Variants in EDA observed in about 807,000 individuals in gnomAD.
EDA encodes ectodysplasin A, also known as ectodysplasin-A.
EDA carries 2 observed loss-of-function variants against 23.6 expected under a neutral mutation model. That is an observed-to-expected ratio of 0.08 (90% CI 0.03 to 0.27). The LOEUF (loss-of-function observed/expected upper bound fraction) is 0.27. Ranked by LOEUF, EDA falls within the 10% of genes least tolerant of loss-of-function variation. EDA has a pLI of 1.00. For missense variants in EDA, 229 were observed against 324.2 expected, an observed-to-expected ratio of 0.71 and a Z score of 2.26; for synonymous variants, 131 against 132.0, an observed-to-expected ratio of 0.99 and a Z score of 0.05.
At chrX:69,941,827 T>C (rs2018762484) in intron 1 of EDA, among the ~76,000 whole-genome samples, 1 of 111,484 alleles carries the variant, frequency 9.0e-6, no homozygotes, top group Non-Finnish European at 1.9e-5. Context: ...ATTACTTGTT[T>C]TATATTTTTG....
Position 69,957,021 on chromosome X carries a change from T to C in EDA, c.397-6T>C. 8.3e-7 allele frequency: 1 copy of C among 1,207,582 alleles called. No individual in the cohort carries two copies. Among genetic ancestry groups the C allele is most frequent in the Non-Finnish European group, 1.1e-6 (1 of 891,902 alleles). On this transcript the variant is annotated splice_region_variant and splice_polypyrimidine_tract_variant and intron_variant, in intron 1 of 7. Coordinates refer to ENST00000374552, the MANE Select transcript of EDA (RefSeq NM_001399.5). Reference sequence around the variant, plus strand: ...CCTTTGACTAATGTACTTGTAATTTTTACAGATGGCCCTATTGAATTTCTT... The same window carrying C: ...CCTTTGACTAATGTACTTGTAATTTCTACAGATGGCCCTATTGAATTTCTT...
intron 1 of EDA, among the ~76,000 whole-genome samples, chrX:69,829,744 A>C (rs2016560301): frequency 8.9e-6 from 1 of 111,954 alleles, no homozygotes; most frequent in South Asian, 3.7e-4. Context: ...GAAGATGACC[A>C]CCTGCTTGCC....
Position 69,616,708 on chromosome X carries a change from A to G in EDA, c.396+4A>G, listed in dbSNP as rs1377867797. The G allele has an allele frequency of 1.7e-6, 2 of 1,211,367 alleles. No homozygotes were observed. The highest frequency in any genetic ancestry group is 3.5e-5 in the African/African-American group (2 of 57,762). ...TGACTCCCAGGACGGGCACCAGGTG[A>G]GTCACCTAGTAGGGGCGGCGGCGGC... On this transcript the variant is annotated splice_donor_region_variant and intron_variant, in intron 1 of 7. Coordinates refer to ENST00000374552, the MANE Select transcript of EDA (RefSeq NM_001399.5).
intron 1 of EDA, among the ~76,000 whole-genome samples, chrX:69,656,293 G>A (rs912359872): frequency 7.2e-5 from 8 of 111,232 alleles, no homozygotes; most frequent in Non-Finnish European, 1.5e-4. Flanking sequence ...ACTACTGCCA[G>A]CACTCTAAGT....
intron 1 of EDA, among the ~76,000 whole-genome samples, chrX:69,650,938 A>G (rs1332007708): frequency 9.0e-6 from 1 of 111,201 alleles, no homozygotes; most frequent in African/African-American, 3.3e-5. Context: ...GGGATGTTGG[A>G]GGAACTAGAA....
intron 1 of EDA, among the ~76,000 whole-genome samples, chrX:69,705,066 ATACAAAATT>A (rs2011657359): frequency 9.2e-6 from 1 of 108,898 alleles, no homozygotes; most frequent in African/African-American, 3.4e-5. Flanking sequence ...ACTAAAAAAA[ATACAAAATT>A]AGCTGGATGT....
chrX:70,003,045 C>T (rs1261796390), intron 2 of EDA, among the ~76,000 whole-genome samples: 1 of 112,254 alleles, frequency 8.9e-6, no homozygotes, highest in Non-Finnish European at 1.9e-5. Flanking sequence ...TGACAGATTT[C>T]TTCAACAATA....
chrX:69,754,627 A>T (rs909197184), intron 1 of EDA, among the ~76,000 whole-genome samples: 1 of 111,874 alleles, frequency 8.9e-6, no homozygotes, highest in Non-Finnish European at 1.9e-5. Context: ...AGGTTAGGGA[A>T]GTTCTCCTGG....
At chrX:69,877,437 A>G (rs1298598004) in intron 1 of EDA, among the ~76,000 whole-genome samples, 1 of 112,635 alleles carries the variant, frequency 8.9e-6, no homozygotes, top group African/African-American at 3.2e-5. Context: ...TTCCATTGAA[A>G]TTTAGATTTC....
intron 2 of EDA, among the ~76,000 whole-genome samples, chrX:69,981,043 G>T (rs1426851211): frequency 9.0e-6 from 1 of 111,519 alleles, no homozygotes; most frequent in Non-Finnish European, 1.9e-5. Context: ...GGGTTGTGGG[G>T]GCATCTGCTC....
At chrX:69,620,556 C>T in intron 1 of EDA, 1 of 141,102 alleles carries the variant, frequency 7.1e-6, no homozygotes, top group Non-Finnish European at 1.4e-5. Context: ...GAGGTGGGAT[C>T]TAGATAAAAT....
Position 70,037,460 on chromosome X carries a change from T to C in EDA, c.*1851T>C, listed in dbSNP as rs1429562673. 1.8e-5 allele frequency: 2 copies of C among 112,323 alleles called. No homozygotes were observed. The highest frequency in any genetic ancestry group is 3.8e-5 in the Non-Finnish European group (2 of 53,281). 9.3% of individuals were successfully genotyped at this position (112,323 alleles called of 1,213,427 possible). A position where few individuals can be genotyped will look rare whatever the true frequency, so the allele number is the denominator to read the frequency against. On this transcript the variant is annotated 3_prime_UTR_variant, in exon 8 of 8. Coordinates refer to ENST00000374552, the MANE Select transcript of EDA (RefSeq NM_001399.5). The stretch of plus-strand genomic sequence containing the variant: ...CCAACAAGAACCACTCCTTCATGTT[T>C]GGAAAATAATTTCTCTTGTATTATC...
At chrX:69,789,164 G>C (rs759605349) in intron 1 of EDA, among the ~76,000 whole-genome samples, 2 of 111,909 alleles carry the variant, frequency 1.8e-5, no homozygotes, top group African/African-American at 3.2e-5. Flanking sequence ...TGCATGGTGC[G>C]TGCACCCACT....
At chrX:69,703,167 G>A (rs2011584067) in intron 1 of EDA, among the ~76,000 whole-genome samples, 1 of 111,647 alleles carries the variant, frequency 9.0e-6, no homozygotes, top group African/African-American at 3.3e-5. Flanking sequence ...AAGACCAGAT[G>A]ATCAGCGAGT....
chrX:69,877,008 CA>C (rs2017656022), intron 1 of EDA, among the ~76,000 whole-genome samples: 2 of 111,974 alleles, frequency 1.8e-5, no homozygotes, highest in Non-Finnish European at 3.8e-5. Flanking sequence ...AAGAAAATGC[CA>C]AACTGTTTTG....
intron 1 of EDA, among the ~76,000 whole-genome samples, chrX:69,781,537 A>C (rs1219538506): frequency 8.9e-6 from 1 of 112,033 alleles, no homozygotes; most frequent in Non-Finnish European, 1.9e-5. Context: ...AAAAGGCCCA[A>C]AATATTTACT....
chrX:69,699,746 G>C (rs974347658), intron 1 of EDA, among the ~76,000 whole-genome samples: 1 of 110,567 alleles, frequency 9.0e-6, no homozygotes, highest in Non-Finnish European at 1.9e-5. Context: ...GTGAGGTCTG[G>C]GAAAGTGAGG....
intron 1 of EDA, among the ~76,000 whole-genome samples, chrX:69,741,155 C>T (rs1207407362): frequency 9.1e-6 from 1 of 110,364 alleles, no homozygotes; most frequent in Non-Finnish European, 1.9e-5. Flanking sequence ...TAATACTTGC[C>T]TTGAAGACTT....
intron 2 of EDA, among the ~76,000 whole-genome samples, chrX:70,018,251 A>G (rs769006393): frequency 1.8e-5 from 2 of 112,521 alleles, no homozygotes; most frequent in East Asian, 2.8e-4. Context: ...AGAAGAATCA[A>G]TATTGTCAAA....
Sources: allele counts gnomAD v4.1 joint callset (sites outside exome capture counted in the v4.1 genomes callset), GRCh38; gene constraint gnomAD v4.1.1; transcripts MANE v1.5; gene names NCBI Gene and HGNC (gene_info 2026-07-23, HGNC 2026-07-21).